CSMD3: variants seen among roughly 807,000 people sequenced by gnomAD.
The protein encoded by CSMD3 is CUB and sushi domain-containing protein 3.
Under a neutral mutation model 435.2 loss-of-function variants are expected in CSMD3, and 177 were observed. The observed-to-expected ratio is 0.41, with a 90% CI of 0.36 to 0.46. The LOEUF (loss-of-function observed/expected upper bound fraction) is 0.46, where lower values mean the gene tolerates loss of function less well. CSMD3 is among the 20% of genes least tolerant of loss of function. The pLI is 0.34. For missense variants in CSMD3, 4,265 were observed against 4,504.6 expected (o/e 0.95, Z 1.52); for synonymous variants, 1,656 against 1,520.5 (o/e 1.09, Z -2.07).
intron 5 of CSMD3, among the ~76,000 whole-genome samples, chr8:113,031,692 A>C (rs1392921706): frequency 6.6e-6 from 1 of 151,700 alleles, no homozygotes; most frequent in African/African-American, 2.4e-5. Flanking sequence ...AGTAGATTGT[A>C]ATTGTTATGT....
At chr8:113,031,636 C>A (rs1239744553) in intron 5 of CSMD3, among the ~76,000 whole-genome samples, 2 of 151,614 alleles carry the variant, frequency 1.3e-5, no homozygotes, top group Non-Finnish European at 3.0e-5. Flanking sequence ...TACACTTGCA[C>A]ACTCACAATA....
intron 1 of CSMD3, among the ~76,000 whole-genome samples, chr8:113,370,155 T>C (rs2094338125): frequency 6.6e-6 from 1 of 151,408 alleles, no homozygotes; most frequent in Non-Finnish European, 1.5e-5. Context: ...AAATATCATG[T>C]TGTACATAAT....
intron 3 of CSMD3, among the ~76,000 whole-genome samples, chr8:113,248,162 G>A (rs919573952): frequency 3.3e-5 from 5 of 151,972 alleles, no homozygotes; most frequent in Middle Eastern, 3.4e-3. Flanking sequence ...TTTATGAGTG[G>A]TGATAATTTA....
chr8:112,920,346 T>C (rs988979149), intron 10 of CSMD3, among the ~76,000 whole-genome samples: 2 of 151,734 alleles, frequency 1.3e-5, no homozygotes, highest in African/African-American at 2.4e-5. Flanking sequence ...GGTAAGCAAG[T>C]GGAATAGATG....
At chr8:113,288,477 T>C (rs1315367703) in intron 2 of CSMD3, among the ~76,000 whole-genome samples, 3 of 151,918 alleles carry the variant, frequency 2.0e-5, no homozygotes, top group Non-Finnish European at 4.4e-5. Context: ...GTTCTCTTTA[T>C]GCTACAAATA....
intron 7 of CSMD3, among the ~76,000 whole-genome samples, chr8:112,974,809 T>C (rs565988717): frequency 1.3e-5 from 2 of 151,878 alleles, no homozygotes; most frequent in African/African-American, 2.4e-5. Flanking sequence ...TTGATTTCTA[T>C]CCTTCTTGTG....
intron 64 of CSMD3, among the ~76,000 whole-genome samples, chr8:112,246,237 G>A (rs1462625145): frequency 6.6e-6 from 1 of 152,162 alleles, no homozygotes; most frequent in African/African-American, 2.4e-5. Flanking sequence ...TCATTTGGAT[G>A]GTTCTGAACA....
intron 3 of CSMD3, among the ~76,000 whole-genome samples, chr8:113,214,404 A>G (rs896753149): frequency 4.0e-5 from 6 of 151,896 alleles, no homozygotes; most frequent in Admixed American, 2.0e-4. Flanking sequence ...TAAACTTGTA[A>G]TGCATGTTCG....
chr8:112,464,478 A>G (rs191747066), intron 32 of CSMD3, among the ~76,000 whole-genome samples: 1 of 152,154 alleles, frequency 6.6e-6, no homozygotes, highest in Admixed American at 6.5e-5. Context: ...TTAATTATGA[A>G]ATAATTATGA....
chr8:112,877,012 C>T lies in CSMD3; in HGVS notation c.1634-17746G>A, dbSNP rs139611149. On this transcript the variant is annotated intron_variant, in intron 10 of 70. Coordinates refer to ENST00000297405, the MANE Select transcript of CSMD3 (RefSeq NM_198123.2). ...ATAAGTGAACTCCCATTCACAATTG[C>T]TACAAAGAAAATAAAATACCTAGGG... Among the ~76,000 whole-genome samples, 806 of 152,080 alleles carry T rather than the reference C, an allele frequency of 5.3e-3. 2 individuals are homozygous for T. The highest frequency in any genetic ancestry group is 8.0e-3 in the Non-Finnish European group (542 of 67,994).
At position 112,733,261 on chromosome 8, in the gene CSMD3, G is replaced by A. The variant is rs192599810; in HGVS notation, c.1973-43211C>T. ...AACAGGCATAATCACCACGCTAGAC[G>A]AATTAAGCATCATATTGACACATAC... On this transcript the variant is annotated intron_variant, in intron 13 of 70. Transcript: ENST00000297405. 5.1e-4 allele frequency among the ~76,000 whole-genome samples: 78 copies of A among 152,074 alleles called. 1 individual carries two copies. The East Asian group carries it at 9.9e-3, about 19-fold the overall frequency.
intron 13 of CSMD3, among the ~76,000 whole-genome samples, chr8:112,734,569 G>A (rs776130369): frequency 1.1e-4 from 17 of 151,850 alleles, no homozygotes; most frequent in South Asian, 4.2e-4. Flanking sequence ...TCTTCTAATC[G>A]GGGCTGAATT....
chr8:112,628,196 A>T (rs1016351259), intron 22 of CSMD3, among the ~76,000 whole-genome samples: 21 of 152,124 alleles, frequency 1.4e-4, no homozygotes, highest in African/African-American at 4.8e-4. Context: ...TCATTGAAAA[A>T]GTTTTTGAGT....
chr8:112,293,331 C>A (rs1183313038), intron 54 of CSMD3, among the ~76,000 whole-genome samples: 1 of 151,992 alleles, frequency 6.6e-6, no homozygotes, highest in East Asian at 1.9e-4. Context: ...AAAACTGCAC[C>A]AGTTTTCCTT....
intron 1 of CSMD3, among the ~76,000 whole-genome samples, chr8:113,340,359 T>A (rs1188859077): frequency 6.6e-6 from 1 of 152,126 alleles, no homozygotes; most frequent in African/African-American, 2.4e-5. Flanking sequence ...TAATTTTATA[T>A]ATATTATACA....
chr8:113,366,832 T>C (rs2094315042), intron 1 of CSMD3, among the ~76,000 whole-genome samples: 1 of 152,066 alleles, frequency 6.6e-6, no homozygotes, highest in Admixed American at 6.6e-5. Flanking sequence ...GTGTTAACCA[T>C]GAACAAATTA....
rs1826105141 is a variant in CSMD3, at chr8:112,351,175, C to T, written c.6325G>A (p.Ala2109Thr). The T allele has an allele frequency of 1.3e-6, 2 of 1,579,066 alleles. No homozygotes were observed. The highest frequency in any genetic ancestry group is 2.7e-5 in the African/African-American group (2 of 74,164). ...AATACTTTATAGTCTTTTAACTTAC[C>T]TAAACAAATTGGGATTGGATAATTC... Reference protein sequence around the residue: ...RWNYPIPICLAQCGGAMSDFS... With the variant: ...RWNYPIPICLTQCGGAMSDFS... Residue 2109 changes from alanine (A) to threonine (T), a missense_variant and splice_region_variant, in exon 40 of 71, where the codon GCT becomes ACT. This residue lies in a region of CSMD3 where 3,255 missense variants were observed against 3,380.2 expected (regional missense o/e 0.96). Coordinates refer to ENST00000297405, the MANE Select transcript of CSMD3 (RefSeq NM_198123.2).
intron 5 of CSMD3, among the ~76,000 whole-genome samples, chr8:113,033,185 C>G (rs186851402): frequency 1.9e-4 from 29 of 151,704 alleles, no homozygotes; most frequent in Admixed American, 1.7e-3. Flanking sequence ...TGGGGCACTG[C>G]TTAGTGGAGC....
intron 13 of CSMD3, among the ~76,000 whole-genome samples, chr8:112,697,796 G>C (rs1586998023): frequency 6.6e-6 from 1 of 151,978 alleles, no homozygotes; most frequent in Admixed American, 6.6e-5. Flanking sequence ...TTAACTGAAG[G>C]CACAAAGGAG....
Sources: allele counts gnomAD v4.1 joint callset (sites outside exome capture counted in the v4.1 genomes callset), GRCh38; gene constraint gnomAD v4.1.1; regional missense constraint gnomAD v4.1.1; transcripts MANE v1.5; gene names NCBI Gene and HGNC (gene_info 2026-07-23, HGNC 2026-07-21).